The following PPL variants were observed in gnomAD, a reference collection of about 807,000 sequenced individuals.
PPL encodes 190 kDa paraneoplastic pemphigus antigen.
A neutral mutation model predicts 194.4 loss-of-function variants in PPL; 198 were observed. The observed-to-expected ratio is 1.02, with a 90% CI of 0.91 to 1.15. PPL has a LOEUF of 1.15. PPL is among the 50% of genes most tolerant of loss of function. The probability of loss-of-function intolerance (pLI) is 0.00; values close to 1 mark genes in which losing one functional copy is unlikely to be tolerated. For missense variants in PPL, 2,885 were observed against 2,294.8 expected (o/e 1.26, Z -5.25); for synonymous variants, 1,220 against 972.4 (o/e 1.25, Z -4.74).
chr16:4,895,011 A>G lies in PPL; in HGVS notation c.1242+250T>C, dbSNP rs754182500. 2.6e-5 allele frequency among the ~76,000 whole-genome samples: 4 copies of G among 152,168 alleles called. No individual in the cohort carries two copies. In the East Asian group the frequency reaches 7.7e-4, roughly 29 times the overall value. ...TGGACACGTGACTCACAGTGAGCCAATGAGAACCTGGCCTGGGACTTCTGA... is the reference window on the plus strand; with the variant it reads ...TGGACACGTGACTCACAGTGAGCCAGTGAGAACCTGGCCTGGGACTTCTGA... On this transcript the variant is annotated intron_variant, in intron 11 of 21. Transcript: ENST00000345988.
Position 4,890,919 on chromosome 16 carries a change from G to T in PPL, c.1971C>A (p.Ala657=). 2 of 1,516,430 alleles carry T rather than the reference G, an allele frequency of 1.3e-6. No homozygotes were observed. The highest frequency in any genetic ancestry group is 2.4e-5 in the South Asian group (2 of 81,886). The allele number at this position is 1,516,430 out of a possible 1,614,324, so 93.9% of individuals were successfully genotyped here. ...VLDSKGQELA[A]MACELQAQKS... ...TCTGGGCCTGTAACTCACAGGCCAT[G>T]GCCTGGCGGGGCAGAGGAGGAGACG... The change falls in exon 17 of 22, where the codon GCC becomes GCA. Residue 657 remains alanine, a splice_region_variant and synonymous_variant. Transcript: ENST00000345988.
intron 1 of PPL, among the ~76,000 whole-genome samples, chr16:4,923,990 C>A (rs775050864): frequency 6.6e-6 from 1 of 152,156 alleles, no homozygotes; most frequent in South Asian, 2.1e-4. Flanking sequence ...CCTGTCTCAG[C>A]CTTAATTTCT....
At chr16:4,934,593 C>T (rs2089268898) in intron 1 of PPL, among the ~76,000 whole-genome samples, 1 of 152,134 alleles carries the variant, frequency 6.6e-6, no homozygotes, top group East Asian at 1.9e-4. Flanking sequence ...TGCTGGAGCT[C>T]CTACTGCCCC....
rs370953331 is a variant in PPL at position 4,897,750 on chromosome 16, G to A, written c.897C>T (p.His299=). ...GGTTCAGGTACTCCTTCCAGTCTGCGTGCACAGCCTCCATGTGCGCCTGCC... is the reference window on the plus strand; with the variant it reads ...GGTTCAGGTACTCCTTCCAGTCTGCATGCACAGCCTCCATGTGCGCCTGCC... ...NSIEAHMEAV[H]ADWKEYLNLL... Residue 299 remains histidine (H), a synonymous_variant, in exon 9 of 22, where the codon CAC becomes CAT. Transcript: ENST00000345988. The A allele has an allele frequency of 9.3e-6, 15 of 1,613,702 alleles. No individual in the cohort carries two copies. Among genetic ancestry groups the A allele is most frequent in the South Asian group, 3.3e-5 (3 of 91,054 alleles).
At position 4,883,382 on chromosome 16, in the gene PPL, G is replaced by A. The variant is rs1428084445; in HGVS notation, c.*2C>T. On this transcript the variant is annotated 3_prime_UTR_variant, in exon 22 of 22. Coordinates refer to ENST00000345988, the MANE Select transcript of PPL (RefSeq NM_002705.5). The surrounding 1 kb of genome is among the most constrained non-coding windows in gnomAD (Gnocchi z 4.8). ...CGTTACGAAGAGTTGCAAGAGCTGT[G>A]CCTACTTCTGCCCAGATACCAAGAC... is the stretch of plus-strand genomic sequence containing the variant. 16 of 1,613,760 alleles carry A rather than the reference G, an allele frequency of 9.9e-6. No homozygotes were observed. The highest frequency in any genetic ancestry group is 1.4e-5 in the Non-Finnish European group (16 of 1,180,024).
At chr16:4,927,526 G>T (rs1215979399) in intron 1 of PPL, among the ~76,000 whole-genome samples, 2 of 152,224 alleles carry the variant, frequency 1.3e-5, no homozygotes, top group African/African-American at 2.4e-5. Context: ...GAAGCAAGAT[G>T]CCGAAGAATC....
chr16:4,914,768 T>C (rs1405502015), intron 1 of PPL, among the ~76,000 whole-genome samples: 1 of 151,874 alleles, frequency 6.6e-6, no homozygotes, highest in African/African-American at 2.4e-5. Flanking sequence ...GGCTTAGCAG[T>C]GGGGGGCTTT....
chr16:4,892,014 T>C (rs2088329127), intron 15 of PPL, 21 bp downstream of exon 15: 2 of 1,611,862 alleles, frequency 1.2e-6, no homozygotes, highest in Non-Finnish European at 1.7e-6. Context: ...CCAACCTCCA[T>C]GCTGCCTGTC....
intron 18 of PPL, 62 bp downstream of exon 18, chr16:4,890,122 T>G: frequency 6.2e-7 from 1 of 1,611,550 alleles, no homozygotes; most frequent in Non-Finnish European, 8.5e-7. Flanking sequence ...AGAAAGGGGC[T>G]TGTTGACCTC....
intron 2 of PPL, among the ~76,000 whole-genome samples, chr16:4,905,671 C>T (rs1389061529): frequency 6.6e-6 from 1 of 152,106 alleles, no homozygotes; most frequent in Non-Finnish European, 1.5e-5. Context: ...TGACGTGGTG[C>T]CTGGTACGAA....
At chr16:4,888,773 G>C in intron 19 of PPL, 2 of 586,170 alleles carry the variant, frequency 3.4e-6, no homozygotes, top group Non-Finnish European at 6.2e-6. Context: ...CTGCTTCAGA[G>C]TATAAAACCC....
At chr16:4,924,637 C>G (rs1324564651) in intron 1 of PPL, among the ~76,000 whole-genome samples, 1 of 152,078 alleles carries the variant, frequency 6.6e-6, no homozygotes, top group Non-Finnish European at 1.5e-5. Context: ...CCCTGGCTGC[C>G]TGACTCCAAA....
Position 4,885,647 on chromosome 16 carries a change from T to A in PPL, c.3008A>T (p.Asp1003Val). 6.2e-7 allele frequency: 1 copy of A among 1,612,908 alleles called. No homozygotes were observed. Among genetic ancestry groups the A allele is most frequent in the Non-Finnish European group, 8.5e-7 (1 of 1,179,670 alleles). The change falls in exon 22 of 22, where the codon GAC (aspartate) becomes GTC (valine). Residue 1003 changes from aspartate (D) to valine (V), a missense_variant. Asp to Val is a radical substitution (Grantham distance 152, BLOSUM62 -3). Coordinates refer to ENST00000345988, the MANE Select transcript of PPL (RefSeq NM_002705.5). This position sits in a 1 kb window ranked among gnomAD's most constrained non-coding sequence, Gnocchi z 6.3. ...CAAGACCTCATCCGCCTGGGCCCTG[T>A]CAGGCTCGATGCGCAGGACCTCCTT... ...VVKEVLRIEP[D>V]RAQADEVLQL...
At chr16:4,894,147 C>G (rs565980118) in intron 12 of PPL, among the ~76,000 whole-genome samples, 15 of 152,274 alleles carry the variant, frequency 9.9e-5, no homozygotes, top group Non-Finnish European at 2.1e-4. Flanking sequence ...GCCCTTATCC[C>G]AGCTGAGTCC....
At chr16:4,887,283 A>G (rs2088234607) in intron 20 of PPL, 56 bp from the exon 21 acceptor site, 1 of 1,304,364 alleles carries the variant, frequency 7.7e-7, no homozygotes, top group Non-Finnish European at 1.1e-6. Context: ...CAGGGTAAGC[A>G]ACAGAGAGCT....
At chr16:4,886,113 A>C in intron 21 of PPL, 66 bp from the exon 22 acceptor site, 2 of 1,598,350 alleles carry the variant, frequency 1.3e-6, no homozygotes, top group Non-Finnish European at 1.7e-6. Flanking sequence ...GCCTGTCCCC[A>C]CCTGGTCAGA....
chr16:4,928,194 G>C (rs535038674), intron 1 of PPL, among the ~76,000 whole-genome samples: 2 of 152,262 alleles, frequency 1.3e-5, no homozygotes, highest in Non-Finnish European at 2.9e-5. Context: ...TCAGGCTGAA[G>C]TGCATTGCTG....
intron 9 of PPL, 52 bp downstream of exon 9, chr16:4,897,623 C>A: frequency 2.0e-6 from 3 of 1,474,808 alleles, no homozygotes; most frequent in Non-Finnish European, 2.8e-6. Context: ...ACTGAGCGCT[C>A]TCAGAGAGTA....
chr16:4,888,827 G>T, intron 19 of PPL, 151 bp downstream of exon 19: 1 of 732,910 alleles, frequency 1.4e-6, no homozygotes, highest in Admixed American at 2.0e-5. Context: ...TTTCCCAAAA[G>T]CCTGTGCCAG....
Sources: gnomAD v4.1 joint callset for allele counts (sites outside exome capture counted in the v4.1 genomes callset) on GRCh38, gnomAD v4.1.1 for gene constraint, Gnocchi (gnomAD v3.1) non-coding constraint, MANE v1.5 for transcripts, NCBI Gene and HGNC (gene_info 2026-07-23, HGNC 2026-07-21) for gene names.